ANKFN1: variants seen among roughly 807,000 people sequenced by gnomAD.
ANKFN1 encodes ankyrin repeat and fibronectin type-III domain-containing protein 1.
In ANKFN1, 74 loss-of-function variants were observed where a neutral mutation model predicts 108.7. The ratio of observed to expected loss-of-function variants is 0.68; its 90% CI spans 0.56 to 0.83. The LOEUF (loss-of-function observed/expected upper bound fraction) is 0.83. ANKFN1 is among the 40% of genes least tolerant of loss of function. The pLI is 0.00. For missense variants in ANKFN1, 1,505 were observed against 1,382.3 expected (o/e 1.09, Z -1.41); for synonymous variants, 547 against 516.2 (o/e 1.06, Z -0.81).
At chr17:56,123,839 CAG>C (rs72419531) in intron 4 of ANKFN1, among the ~76,000 whole-genome samples, 290 of 141,926 alleles carry the variant, frequency 2.0e-3, no homozygotes, top group Middle Eastern at 3.6e-3. Flanking sequence ...GAGAGAGACA[CAG>C]AGAGAGAGAG....
At chr17:56,207,773 T>A (rs2143793757) in intron 1 of ANKFN1, among the ~76,000 whole-genome samples, 1 of 152,296 alleles carries the variant, frequency 6.6e-6, no homozygotes, top group Non-Finnish European at 1.5e-5. Context: ...TCTTTGCTTT[T>A]CATCCCCATT....
intron 8 of ANKFN1, among the ~76,000 whole-genome samples, chr17:56,409,019 G>A (rs1011092808): frequency 1.3e-5 from 2 of 151,822 alleles, no homozygotes; most frequent in African/African-American, 4.8e-5. Flanking sequence ...CCACCTCCCG[G>A]GTTCAAGAAA....
intron 2 of ANKFN1, among the ~76,000 whole-genome samples, chr17:56,217,664 G>T (rs1018628893): frequency 6.6e-6 from 1 of 150,578 alleles, no homozygotes; most frequent in Non-Finnish European, 1.5e-5. Flanking sequence ...CTAAGGTTGA[G>T]AAACCAATAT....
chr17:56,457,382 T>G lies in ANKFN1; in HGVS notation c.1433T>G (p.Phe478Cys), dbSNP rs777949162. ...TCTATTACACAAGATTTTCTGTGGT[T>G]CACGAAGGTATACTAAGTTCTGATT... ...TSSITQDFLW[F>C]TKLSCMWEDI... The change falls in exon 13 of 21, where the codon TTC becomes TGC. Residue 478 changes from phenylalanine to cysteine, a missense_variant. By Grantham distance (205) the Phe-to-Cys change is radical. Transcript: ENST00000682825. 4 of 1,591,080 alleles carry G rather than the reference T, an allele frequency of 2.5e-6. No homozygotes were observed. The South Asian group carries it at 4.7e-5, about 19-fold the overall frequency.
At chr17:56,068,745 A>G (rs758284622) in intron 4 of ANKFN1, among the ~76,000 whole-genome samples, 2 of 152,164 alleles carry the variant, frequency 1.3e-5, no homozygotes, top group Non-Finnish European at 2.9e-5. Flanking sequence ...CTTTTCCCCA[A>G]CTACACATGA....
chr17:56,450,974 C>G (rs2049464855), intron 11 of ANKFN1, among the ~76,000 whole-genome samples: 1 of 151,970 alleles, frequency 6.6e-6, no homozygotes, highest in Non-Finnish European at 1.5e-5. Flanking sequence ...AATATACACA[C>G]AATATCAGGA....
intron 3 of ANKFN1, among the ~76,000 whole-genome samples, chr17:56,293,016 A>G (rs1306842488): frequency 2.6e-5 from 4 of 152,198 alleles, no homozygotes; most frequent in Non-Finnish European, 5.9e-5. Flanking sequence ...GCCCATTTAT[A>G]TGCCAATGGT....
intron 4 of ANKFN1, among the ~76,000 whole-genome samples, chr17:56,047,379 C>T (rs974642615): frequency 6.6e-6 from 1 of 151,982 alleles, no homozygotes; most frequent in African/African-American, 2.4e-5. Flanking sequence ...CGAAGGAGCA[C>T]GGGAGGAGCA....
chr17:56,446,766 T>C (rs542784106), intron 10 of ANKFN1, among the ~76,000 whole-genome samples: 14 of 151,780 alleles, frequency 9.2e-5, no homozygotes, highest in Non-Finnish European at 1.5e-4. Flanking sequence ...TAGCCAGGTG[T>C]GGTGGCACAC....
intron 4 of ANKFN1, among the ~76,000 whole-genome samples, chr17:56,114,310 C>T: frequency 6.6e-6 from 1 of 152,104 alleles, no homozygotes; most frequent in Admixed American, 6.5e-5. Context: ...AAAAATGGAA[C>T]AAAGTGAAGA....
intron 3 of ANKFN1, among the ~76,000 whole-genome samples, chr17:56,299,113 G>A (rs2044599791): frequency 6.6e-6 from 1 of 152,156 alleles, no homozygotes; most frequent in South Asian, 2.1e-4. Flanking sequence ...ACCCAAATGA[G>A]GAAATAACAG....
chr17:56,268,084 C>T (rs1217445015), intron 3 of ANKFN1, among the ~76,000 whole-genome samples: 2 of 152,034 alleles, frequency 1.3e-5, no homozygotes, highest in African/African-American at 4.8e-5. Flanking sequence ...CCAAATGAAC[C>T]TAATAGATAT....
At chr17:56,379,060 A>G (rs77412245) in intron 8 of ANKFN1, among the ~76,000 whole-genome samples, 4,401 of 152,258 alleles carry the variant, frequency 0.029, 180 homozygotes, top group African/African-American at 0.099. Context: ...TTCATCATTT[A>G]ACAAAATGTT....
At chr17:56,382,040 G>T (rs2047120705) in intron 8 of ANKFN1, among the ~76,000 whole-genome samples, 1 of 152,174 alleles carries the variant, frequency 6.6e-6, no homozygotes, top group Admixed American at 6.5e-5. Flanking sequence ...CAAAGAGAAA[G>T]GTCGGGTTAC....
chr17:56,275,805 A>G (rs1473169151), intron 3 of ANKFN1, among the ~76,000 whole-genome samples: 2 of 152,218 alleles, frequency 1.3e-5, no homozygotes, highest in Non-Finnish European at 2.9e-5. Context: ...CAGAGAGTAC[A>G]TACTGCAGAA....
intron 8 of ANKFN1, among the ~76,000 whole-genome samples, chr17:56,389,286 A>G (rs1320475735): frequency 1.3e-5 from 2 of 152,218 alleles, no homozygotes; most frequent in African/African-American, 4.8e-5. Context: ...AATTCTACTA[A>G]GTAAAAAAGG....
At chr17:56,060,269 C>A (rs1904950155) in intron 4 of ANKFN1, among the ~76,000 whole-genome samples, 1 of 152,110 alleles carries the variant, frequency 6.6e-6, no homozygotes, top group Non-Finnish European at 1.5e-5. Context: ...GTGATTTTTG[C>A]ACATTGACTT....
chr17:56,162,773 C>A (rs888213144), intron 1 of ANKFN1, among the ~76,000 whole-genome samples: 2 of 152,190 alleles, frequency 1.3e-5, no homozygotes, highest in Admixed American at 6.5e-5. Flanking sequence ...CAGTGACTCA[C>A]GCCTGTAATC....
chr17:56,470,641 C>T (rs1490645064), intron 15 of ANKFN1, among the ~76,000 whole-genome samples: 2 of 152,056 alleles, frequency 1.3e-5, no homozygotes, highest in Non-Finnish European at 2.9e-5. Flanking sequence ...AAGTTATGAT[C>T]CACGACGGGG....
Sources: gnomAD v4.1 joint callset for allele counts (sites outside exome capture counted in the v4.1 genomes callset) on GRCh38, gnomAD v4.1.1 for gene constraint, MANE v1.5 for transcripts, NCBI Gene and HGNC (gene_info 2026-07-23, HGNC 2026-07-21) for gene names.